Variants in CSMD3 observed in about 807,000 individuals in gnomAD.
CSMD3 encodes CUB and Sushi multiple domains 3.
CSMD3 carries 177 observed loss-of-function variants against 435.2 expected under a neutral mutation model. The ratio of observed to expected loss-of-function variants is 0.41; its 90% CI spans 0.36 to 0.46. CSMD3 has a LOEUF of 0.46. CSMD3 is among the 20% of genes least tolerant of loss of function. CSMD3 has a pLI of 0.34. For missense variants in CSMD3, 4,265 were observed against 4,504.6 expected (o/e 0.95, Z 1.52); for synonymous variants, 1,656 against 1,520.5 (o/e 1.09, Z -2.07).
intron 13 of CSMD3, among the ~76,000 whole-genome samples, chr8:112,718,938 G>A (rs981704750): frequency 2.0e-5 from 3 of 152,108 alleles, no homozygotes; most frequent in Non-Finnish European, 4.4e-5. Flanking sequence ...TTAGTATTGA[G>A]CTCTGTGTAA....
chr8:112,635,481 A>G (rs751478276), intron 22 of CSMD3, among the ~76,000 whole-genome samples: 7 of 152,018 alleles, frequency 4.6e-5, no homozygotes, highest in South Asian at 4.1e-4. Flanking sequence ...ATGTGGCAGT[A>G]AGCAGTAGCA....
intron 5 of CSMD3, among the ~76,000 whole-genome samples, chr8:113,091,969 C>A (rs1246638163): frequency 6.6e-6 from 1 of 151,512 alleles, no homozygotes; most frequent in African/African-American, 2.4e-5. Flanking sequence ...TTTTGTATAC[C>A]CATATATGTG....
chr8:112,446,877 C>T (rs1815665095), intron 32 of CSMD3, among the ~76,000 whole-genome samples: 2 of 152,078 alleles, frequency 1.3e-5, no homozygotes, highest in African/African-American at 2.4e-5. Flanking sequence ...TTGACATTCC[C>T]TTGGGCTAGT....
chr8:113,062,453 T>C (rs971618660), intron 5 of CSMD3, among the ~76,000 whole-genome samples: 2 of 151,976 alleles, frequency 1.3e-5, no homozygotes, highest in African/African-American at 4.8e-5. Context: ...AGTTGGTTGA[T>C]TAAATAGAGG....
intron 13 of CSMD3, among the ~76,000 whole-genome samples, chr8:112,773,210 A>G (rs921774248): frequency 2.0e-5 from 3 of 152,074 alleles, no homozygotes; most frequent in African/African-American, 7.2e-5. Context: ...TGGATCAGAG[A>G]GAAAGTAGCT....
At chr8:112,687,127 C>T (rs998531466) in intron 14 of CSMD3, among the ~76,000 whole-genome samples, 1 of 151,894 alleles carries the variant, frequency 6.6e-6, no homozygotes, top group Non-Finnish European at 1.5e-5. Context: ...AAACATTTTG[C>T]TAAATTTCTG....
chr8:112,341,133 C>T (rs986001288), intron 42 of CSMD3, among the ~76,000 whole-genome samples: 9 of 152,186 alleles, frequency 5.9e-5, no homozygotes, highest in African/African-American at 2.2e-4. Flanking sequence ...AATATCTTTT[C>T]AATATATTCC....
At chr8:112,851,363 C>A (rs577348823) in intron 11 of CSMD3, among the ~76,000 whole-genome samples, 5 of 152,236 alleles carry the variant, frequency 3.3e-5, no homozygotes, top group African/African-American at 9.6e-5. Flanking sequence ...CTACTACAGG[C>A]CCAGTTTCAC....
intron 32 of CSMD3, among the ~76,000 whole-genome samples, chr8:112,450,262 G>T (rs781589283): frequency 5.9e-5 from 9 of 152,116 alleles, no homozygotes; most frequent in Non-Finnish European, 1.2e-4. Context: ...ATAAATTTAA[G>T]AACCATACTA....
chr8:112,753,336 T>C (rs1462208642), intron 13 of CSMD3, among the ~76,000 whole-genome samples: 3 of 152,180 alleles, frequency 2.0e-5, no homozygotes, highest in Non-Finnish European at 4.4e-5. Flanking sequence ...AATGCATCTA[T>C]TGCTTTTACA....
rs944219703 is a variant in CSMD3, at chr8:112,292,655, C to A, written c.8670G>T (p.Gly2890=). 2 of 1,613,712 alleles carry A rather than the reference C, an allele frequency of 1.2e-6. No homozygotes were observed. Among genetic ancestry groups the A allele is most frequent in the African/African-American group, 2.7e-5 (2 of 75,014 alleles). The change falls in exon 55 of 71, where the codon GGG becomes GGT. Residue 2890 remains glycine (G), a synonymous_variant. Coordinates refer to ENST00000297405, the MANE Select transcript of CSMD3 (RefSeq NM_198123.2). The part of the protein sequence containing the change: ...SPIYGRTSGN[G]FNFNDVVTFS... Reference sequence around the variant, plus strand: ...ATGTTACCACATCATTAAAGTTGAACCCATTTCCACTTGTTCTTCCATAAA... The same window carrying A: ...ATGTTACCACATCATTAAAGTTGAAACCATTTCCACTTGTTCTTCCATAAA...
intron 30 of CSMD3, among the ~76,000 whole-genome samples, chr8:112,494,552 TTTCTTTC>T (rs1821122147): frequency 1.4e-5 from 2 of 139,680 alleles, no homozygotes; most frequent in African/African-American, 5.3e-5. Flanking sequence ...TCTTTCTTTC[TTTCTTTC>T]TTTCTTTCTT....
intron 4 of CSMD3, among the ~76,000 whole-genome samples, chr8:113,101,485 C>T (rs1287279340): frequency 6.6e-6 from 1 of 151,934 alleles, no homozygotes. Flanking sequence ...ATATTATATT[C>T]CGTAAGCTCC....
At chr8:113,432,552 G>C (rs2130095268) in intron 1 of CSMD3, among the ~76,000 whole-genome samples, 1 of 152,290 alleles carries the variant, frequency 6.6e-6, no homozygotes, top group East Asian at 1.9e-4. Flanking sequence ...GTCTAACTAA[G>C]CCCTTGCAGC....
intron 1 of CSMD3, among the ~76,000 whole-genome samples, chr8:113,423,116 T>C (rs1359313256): frequency 6.6e-6 from 1 of 152,070 alleles, no homozygotes; most frequent in Admixed American, 6.6e-5. Flanking sequence ...TTTATGAAAA[T>C]AATTTTTGAC....
chr8:113,240,757 C>G (rs2093205678), intron 3 of CSMD3, among the ~76,000 whole-genome samples: 1 of 152,122 alleles, frequency 6.6e-6, no homozygotes, highest in Non-Finnish European at 1.5e-5. Flanking sequence ...GAGGTATAAT[C>G]TCACTTCAAA....
intron 38 of CSMD3, among the ~76,000 whole-genome samples, chr8:112,374,534 C>T (rs1828760503): frequency 1.3e-5 from 2 of 152,222 alleles, no homozygotes; most frequent in African/African-American, 4.8e-5. Context: ...AGGTCTTTGT[C>T]TACATGGAGA....
At position 113,399,106 on chromosome 8, in the gene CSMD3, T is replaced by TAC. The variant is rs56045224; in HGVS notation, c.178+37569_178+37570dup. Among the ~76,000 whole-genome samples, 757 of 94,992 alleles carry TAC rather than the reference T, an allele frequency of 8.0e-3. 9 individuals are homozygous for TAC. The highest frequency in any genetic ancestry group is 0.046 in the Middle Eastern group (7 of 152). The allele number at this position is 94,992 out of a possible 152,430, so 62.3% of individuals were successfully genotyped here. On this transcript the variant is annotated intron_variant, in intron 1 of 70. Transcript: ENST00000297405. ...ATATATATATATATATATATATATATACACACACACACACACACTATATAT... is the reference window on the plus strand; with the variant it reads ...ATATATATATATATATATATATATATACACACACACACACACACACTATATAT...
chr8:112,426,524 A>T (rs1186092713), intron 32 of CSMD3, among the ~76,000 whole-genome samples: 1 of 151,930 alleles, frequency 6.6e-6, no homozygotes, highest in Non-Finnish European at 1.5e-5. Context: ...CCTAATTGTG[A>T]TTTTTCTCCC....
Sources: gnomAD v4.1 joint callset for allele counts (sites outside exome capture counted in the v4.1 genomes callset) on GRCh38, gnomAD v4.1.1 for gene constraint, MANE v1.5 for transcripts, NCBI Gene and HGNC (gene_info 2026-07-23, HGNC 2026-07-21) for gene names.